The following NIM1K variants were observed in gnomAD, a reference collection of about 807,000 sequenced individuals.
NIM1K encodes the protein serine/threonine-protein kinase NIM1.
Under a neutral mutation model 37.1 loss-of-function variants are expected in NIM1K, and 35 were observed. The ratio of observed to expected loss-of-function variants is 0.94; its 90% confidence interval spans 0.72 to 1.25. The LOEUF is 1.25. Ranked by LOEUF, NIM1K falls within the 50% of genes most tolerant of loss-of-function variation. The pLI is 0.00. For missense variants in NIM1K, 564 were observed against 548.0 expected, an observed-to-expected ratio of 1.03 and a Z score of -0.29; for synonymous variants, 234 against 206.6, an observed-to-expected ratio of 1.13 and a Z score of -1.14.
intron 1 of NIM1K, among the ~76,000 whole-genome samples, chr5:43,195,623 T>A (rs1207515413): frequency 6.9e-6 from 1 of 144,436 alleles, no homozygotes; most frequent in African/African-American, 2.6e-5. Flanking sequence ...ATTATGCCAC[T>A]GCATTCCATC....
At chr5:43,205,510 T>C (rs1579954977) in intron 1 of NIM1K, among the ~76,000 whole-genome samples, 4 of 152,204 alleles carry the variant, frequency 2.6e-5, no homozygotes, top group African/African-American at 9.6e-5. Flanking sequence ...CTCAGCACTT[T>C]GTGAAGCCAA....
chr5:43,195,335 A>G (rs1751895961), intron 1 of NIM1K, among the ~76,000 whole-genome samples: 2 of 152,218 alleles, frequency 1.3e-5, no homozygotes, highest in Admixed American at 1.3e-4. Context: ...AATATTAATC[A>G]GTTTTACAGA....
intron 1 of NIM1K, among the ~76,000 whole-genome samples, chr5:43,224,130 T>C (rs985869542): frequency 2.6e-5 from 4 of 151,802 alleles, no homozygotes; most frequent in Admixed American, 6.6e-5. Context: ...CTCGAACTCC[T>C]GGGCTCAAGC....
At chr5:43,236,386 C>T (rs1752622281) in intron 1 of NIM1K, among the ~76,000 whole-genome samples, 1 of 151,750 alleles carries the variant, frequency 6.6e-6, no homozygotes, top group Non-Finnish European at 1.5e-5. Flanking sequence ...GAGGCTGAGG[C>T]AGAAGGATTT....
intron 1 of NIM1K, among the ~76,000 whole-genome samples, chr5:43,196,971 AG>A: frequency 7.2e-6 from 1 of 138,848 alleles, no homozygotes; most frequent in South Asian, 2.4e-4. Context: ...TTTTTGGTAA[AG>A]ACAAGGTTTC....
In NIM1K at chr5:43,277,296, T is replaced by C; in HGVS notation, c.532T>C (p.Ser178Pro). The C allele has an allele frequency of 6.2e-7, 1 of 1,614,036 alleles. No individual in the cohort carries two copies. The highest frequency in any genetic ancestry group is 1.7e-5 in the Admixed American group (1 of 60,018). The change falls in exon 3 of 4, where the codon TCC becomes CCC. Residue 178 changes from serine to proline, a missense_variant. Ser to Pro is a moderately conservative substitution (Grantham distance 74). Coordinates refer to ENST00000326035, the MANE Select transcript of NIM1K (RefSeq NM_153361.4). Reference sequence around the variant, plus strand: ...TGAACCAGAAAGCAAGCTCATCTTCTCCCAGATTGTGTCTGCCGTGAAGCA... The same window carrying C: ...TGAACCAGAAAGCAAGCTCATCTTCCCCCAGATTGTGTCTGCCGTGAAGCA... Reference protein sequence around the residue: ...LSEPESKLIFSQIVSAVKHMH... With the variant: ...LSEPESKLIFPQIVSAVKHMH...
chr5:43,205,826 C>T (rs1036723122), intron 1 of NIM1K, among the ~76,000 whole-genome samples: 2 of 152,144 alleles, frequency 1.3e-5, no homozygotes, highest in African/African-American at 4.8e-5. Context: ...CATTCTCCTG[C>T]CTCAGCCTCC....
rs1281355308 is a variant in NIM1K at position 43,198,207 on chromosome 5, C to CTTTCTTTCTTTCTTTCTCTT, written c.-695+5797_-695+5798insTTCTTTCTTTCTTTCTCTTT. On this transcript the variant is annotated intron_variant, in intron 1 of 3. Transcript: ENST00000326035. The stretch of plus-strand genomic sequence containing the variant: ...TCTTTCTTTCTTTCTTTCTTTCTTT[C>CTTTCTTTCTTTCTTTCTCTT]TCTTTCTTTCTTTCTTTCTTTCTTT... Among the ~76,000 whole-genome samples, 6 of 48,900 alleles carry CTTTCTTTCTTTCTTTCTCTT rather than the reference C, an allele frequency of 1.2e-4. 2 individuals are homozygous for CTTTCTTTCTTTCTTTCTCTT. Among genetic ancestry groups the CTTTCTTTCTTTCTTTCTCTT allele is most frequent in the East Asian group, 6.9e-4 (1 of 1,444 alleles). 32.1% of individuals were successfully genotyped at this position (48,900 alleles called of 152,430 possible). A position where few individuals can be genotyped will look rare whatever the true frequency, so the allele number is the denominator to read the frequency against.
chr5:43,224,152 C>G (rs566554557), intron 1 of NIM1K, among the ~76,000 whole-genome samples: 9 of 152,062 alleles, frequency 5.9e-5, no homozygotes, highest in Non-Finnish European at 7.4e-5. Flanking sequence ...ATCCTCCCCC[C>G]TCTTGCCTCC....
intron 1 of NIM1K, chr5:43,232,166 T>C (rs1422049332): frequency 9.1e-6 from 9 of 992,130 alleles, no homozygotes; most frequent in African/African-American, 1.6e-5. Flanking sequence ...TTGGTCTTGA[T>C]TGATGGTGGC....
intron 2 of NIM1K, among the ~76,000 whole-genome samples, chr5:43,264,619 A>G (rs1191969014): frequency 6.6e-6 from 1 of 152,186 alleles, no homozygotes; most frequent in African/African-American, 2.4e-5. Flanking sequence ...GCCTATTTAC[A>G]TTTAAGGTTA....
At chr5:43,222,060 A>G (rs973949738) in intron 1 of NIM1K, among the ~76,000 whole-genome samples, 3 of 152,220 alleles carry the variant, frequency 2.0e-5, no homozygotes, top group Admixed American at 6.5e-5. Context: ...GTGGACAGAC[A>G]CTACCTCTGG....
In NIM1K at chr5:43,279,196, A is replaced by G. The variant is rs113414520; in HGVS notation, c.562-784A>G. 5.8e-4 allele frequency among the ~76,000 whole-genome samples: 88 copies of G among 152,322 alleles called. 1 individual carries two copies. The highest frequency in any genetic ancestry group is 2.0e-3 in the African/African-American group (83 of 41,564). ...CCATGCTGAGCACTGTTCTCATCAT[A>G]CGTAGTTAGCGTCATATATAGTTCT... On this transcript the variant is annotated intron_variant, in intron 3 of 3. Transcript: ENST00000326035.
At position 43,231,981 on chromosome 5, in the gene NIM1K, G is replaced by T. The variant is rs559884152; in HGVS notation, c.-694-13101G>T. 19 of 993,742 alleles carry T rather than the reference G, an allele frequency of 1.9e-5. No homozygotes were observed. In the Middle Eastern group the frequency reaches 9.5e-4, roughly 50 times the overall value. The allele number at this position is 993,742 out of a possible 1,614,324, so 61.6% of individuals were successfully genotyped here. A position where few individuals can be genotyped will look rare whatever the true frequency, so the allele number is the denominator to read the frequency against. ...AAAAGCACTCTTGACATACATTCAA[G>T]TCAAACTTGTGGTCCAGGTGAGCCC... On this transcript the variant is annotated intron_variant, in intron 1 of 3. Coordinates refer to ENST00000326035, the MANE Select transcript of NIM1K (RefSeq NM_153361.4).
intron 2 of NIM1K, among the ~76,000 whole-genome samples, chr5:43,270,544 G>C (rs1198460348): frequency 4.6e-5 from 7 of 152,144 alleles, no homozygotes; most frequent in African/African-American, 1.7e-4. Context: ...AGTGGAAGAA[G>C]GCATTAGAGA....
chr5:43,212,540 C>A (rs1281211239), intron 1 of NIM1K, among the ~76,000 whole-genome samples: 1 of 152,154 alleles, frequency 6.6e-6, no homozygotes, highest in Non-Finnish European at 1.5e-5. Flanking sequence ...AACCCTGGGG[C>A]TCAGGAGAGG....
At position 43,213,268 on chromosome 5, in the gene NIM1K, T is replaced by C. The variant is rs58583272; in HGVS notation, c.-695+20857T>C. ...TTTCTTTCTTGTTCTTTCTTGTTTC[T>C]TTTTCTTTCTTGTTTCCTTTCCTTT... On this transcript the variant is annotated intron_variant, in intron 1 of 3. Coordinates refer to ENST00000326035, the MANE Select transcript of NIM1K (RefSeq NM_153361.4). Among the ~76,000 whole-genome samples the C allele has an allele frequency of 2.2e-3, 329 of 148,580 alleles. 28 individuals carry two copies. The highest frequency in any genetic ancestry group is 6.4e-3 in the African/African-American group (253 of 39,384).
At chr5:43,274,874 A>G (rs1196420666) in intron 2 of NIM1K, among the ~76,000 whole-genome samples, 1 of 152,202 alleles carries the variant, frequency 6.6e-6, no homozygotes, top group Admixed American at 6.5e-5. Context: ...CAAAGCAGTT[A>G]TTTTGTAAGT....
At chr5:43,199,204 A>AAAAAAAAAAAAATATAT (rs1200134957) in intron 1 of NIM1K, among the ~76,000 whole-genome samples, 4 of 94,066 alleles carry the variant, frequency 4.3e-5, no homozygotes, top group South Asian at 3.9e-4. Context: ...AAAAAAAAAA[A>AAAAAAAAAAAAATATAT]ATATATATAT....
Sources: allele counts gnomAD v4.1 joint callset (sites outside exome capture counted in the v4.1 genomes callset), GRCh38; gene constraint gnomAD v4.1.1; transcripts MANE v1.5; gene names NCBI Gene and HGNC (gene_info 2026-07-23, HGNC 2026-07-21).